Variants in DENND2B observed in about 807,000 individuals in gnomAD.
DENND2B encodes DENN domain containing 2B.
In DENND2B, 32 loss-of-function variants were observed where a neutral mutation model predicts 116.0. The observed-to-expected ratio is 0.28, with a 90% CI of 0.21 to 0.37. DENND2B has a LOEUF of 0.37. Ranked by LOEUF, DENND2B falls within the 10% of genes least tolerant of loss-of-function variation. DENND2B has a pLI of 1.00. For synonymous variants in DENND2B, 588 were observed against 583.9 expected, an observed-to-expected ratio of 1.01 and a Z score of -0.10; for missense variants, 1,276 against 1,477.7, an observed-to-expected ratio of 0.86 and a Z score of 2.24.
intron 4 of DENND2B, chr11:8,718,251 C>A: frequency 9.3e-7 from 1 of 1,076,058 alleles, no homozygotes. Flanking sequence ...GGCTCCCTTC[C>A]CTCTGCTGCA....
chr11:8,731,017 G>A lies in DENND2B; in HGVS notation c.273C>T (p.Thr91=), dbSNP rs764940725. Reference sequence around the variant, plus strand: ...CGAAGCTGGCGGTCTTGAAGGGACAGGTGGGTGGGGAAGTATCTGGGGAGG... The same window carrying A: ...CGAAGCTGGCGGTCTTGAAGGGACAAGTGGGTGGGGAAGTATCTGGGGAGG... The part of the protein sequence containing the change: ...QDPSPDTSPP[T]CPFKTASFGY... The change falls in exon 3 of 20, where the codon ACC becomes ACT. Residue 91 remains threonine (T), a synonymous_variant. Transcript: ENST00000313726. 4 of 1,614,186 alleles carry A rather than the reference G, an allele frequency of 2.5e-6. No homozygotes were observed. The East Asian group carries it at 8.9e-5, about 36-fold the overall frequency.
At chr11:8,807,398 C>T (rs1482967971) in intron 1 of DENND2B, among the ~76,000 whole-genome samples, 6 of 152,138 alleles carry the variant, frequency 3.9e-5, no homozygotes, top group Admixed American at 3.3e-4. Context: ...TGGGGCACAG[C>T]CTCTCTTAGG....
At chr11:8,854,982 T>A (rs1349064230) in intron 3 of DENND2B, among the ~76,000 whole-genome samples, 1 of 151,914 alleles carries the variant, frequency 6.6e-6, no homozygotes, top group Non-Finnish European at 1.5e-5. Context: ...TACAAAAAAA[T>A]TTTTTTGAAA....
chr11:8,834,974 G>A (rs1362008231), intron 4 of DENND2B, among the ~76,000 whole-genome samples: 7 of 152,150 alleles, frequency 4.6e-5, no homozygotes, highest in Non-Finnish European at 4.4e-5. Flanking sequence ...GGCCAGGCAC[G>A]GTGGCTCACA....
chr11:8,747,169 G>A (rs1444613418), intron 2 of DENND2B, among the ~76,000 whole-genome samples: 1 of 152,148 alleles, frequency 6.6e-6, no homozygotes, highest in Non-Finnish European at 1.5e-5. Flanking sequence ...GCCAGGCATT[G>A]TTCCAGGCTC....
intron 2 of DENND2B, among the ~76,000 whole-genome samples, chr11:8,864,815 C>A (rs1022029186): frequency 3.9e-5 from 6 of 152,126 alleles, no homozygotes; most frequent in African/African-American, 7.2e-5. Context: ...ATTAAAGGCA[C>A]TTTTTACCCC....
At chr11:8,853,148 G>A (rs112482182) in intron 3 of DENND2B, among the ~76,000 whole-genome samples, 4,523 of 152,226 alleles carry the variant, frequency 0.03, 219 homozygotes, top group African/African-American at 0.1. Context: ...TGGATCACCT[G>A]AGGTCAGAAG....
chr11:8,825,303 G>C (rs1282472514), intron 4 of DENND2B, among the ~76,000 whole-genome samples: 3 of 151,762 alleles, frequency 2.0e-5, no homozygotes, highest in Non-Finnish European at 2.9e-5. Flanking sequence ...TCATATGCTT[G>C]TTGGCCACAT....
In DENND2B at chr11:8,702,514, T is replaced by C; in HGVS notation, c.2720+58A>G. 2 of 1,601,266 alleles carry C rather than the reference T, an allele frequency of 1.2e-6. No homozygotes were observed. On this transcript the variant is annotated intron_variant, in intron 14 of 19. Transcript: ENST00000313726. The surrounding 1 kb of genome is among the most constrained non-coding windows in gnomAD (Gnocchi z 4.6). ...CTTAGGCTCCTGAACACTTGCTGAT[T>C]CGCTTGTGGGTGTGCCTTCCCCCCT...
At chr11:8,811,734 C>A (rs1037931531), upstream of DENND2B, among the ~76,000 whole-genome samples, 43 of 151,968 alleles carry the variant, frequency 2.8e-4, no homozygotes, top group Admixed American at 2.6e-3. Flanking sequence ...ATTTATTATT[C>A]TTCTTAAATT....
intron 2 of DENND2B, 43 bp downstream of exon 2, chr11:8,750,578 T>C: frequency 6.4e-7 from 1 of 1,553,320 alleles, no homozygotes; most frequent in African/African-American, 1.4e-5. Flanking sequence ...ACCCAGGACC[T>C]AGGTCCCTTG....
Position 8,695,472 on chromosome 11 carries a change from G to A in DENND2B, c.3370C>T (p.Arg1124Ter). The stretch of plus-strand genomic sequence containing the variant: ...TAACAAGGCCACTTACCCAAACCTC[G>A]GAGAAACTTATTCATTCCACTCTGC... ...TEQSGMNKFL[R>*]GLGNKMKFLH... The change falls in exon 19 of 20, where the codon CGA becomes TGA. Residue 1124 changes from arginine (R) to a stop codon, truncating the protein, a stop_gained. Transcript: ENST00000313726. LOFTEE classifies it high-confidence loss of function. The A allele has an allele frequency of 6.2e-7, 1 of 1,613,702 alleles. No individual in the cohort carries two copies. The highest frequency in any genetic ancestry group is 8.5e-7 in the Non-Finnish European group (1 of 1,179,982).
intron 1 of DENND2B, among the ~76,000 whole-genome samples, chr11:8,798,377 A>C (rs1256018862): frequency 6.6e-6 from 1 of 152,232 alleles, no homozygotes; most frequent in African/African-American, 2.4e-5. Flanking sequence ...TAGAAGATGG[A>C]ATCCCAGGGA....
At chr11:8,774,865 T>G (rs1220900657) in intron 1 of DENND2B, among the ~76,000 whole-genome samples, 1 of 147,716 alleles carries the variant, frequency 6.8e-6, no homozygotes, top group East Asian at 2.0e-4. Context: ...TTTTTTTCGT[T>G]TTTTTTTTTT....
chr11:8,884,853 T>G (rs1340011311), intron 1 of DENND2B, among the ~76,000 whole-genome samples: 3 of 152,190 alleles, frequency 2.0e-5, no homozygotes, highest in Non-Finnish European at 4.4e-5. Flanking sequence ...CCATAAGTCT[T>G]CAATATCAGT....
upstream of DENND2B, chr11:8,810,692 C>CGGCCA: frequency 6.6e-6 from 1 of 152,410 alleles, no homozygotes; most frequent in African/African-American, 2.4e-5. Context: ...CACTGCTAGC[C>CGGCCA]GGCCAGGCCG....
intron 4 of DENND2B, among the ~76,000 whole-genome samples, chr11:8,819,581 C>T (rs983051329): frequency 2.6e-5 from 4 of 152,210 alleles, no homozygotes; most frequent in African/African-American, 4.8e-5. Context: ...CCACGTACCC[C>T]GATACCATGT....
At chr11:8,701,566 G>A (rs971765695) in intron 14 of DENND2B, among the ~76,000 whole-genome samples, 3 of 151,034 alleles carry the variant, frequency 2.0e-5, no homozygotes, top group Admixed American at 6.6e-5. Context: ...TAAACTCTCC[G>A]CTCCTTAAAA....
At chr11:8,849,877 G>A (rs1466829822) in intron 3 of DENND2B, among the ~76,000 whole-genome samples, 1 of 150,926 alleles carries the variant, frequency 6.6e-6, no homozygotes, top group Non-Finnish European at 1.5e-5. Flanking sequence ...GTTCATGCCT[G>A]TAATTCCAAC....
Sources: allele counts gnomAD v4.1 joint callset (sites outside exome capture counted in the v4.1 genomes callset), GRCh38; gene constraint gnomAD v4.1.1; non-coding constraint Gnocchi (gnomAD v3.1); transcripts MANE v1.5; gene names NCBI Gene and HGNC (gene_info 2026-07-23, HGNC 2026-07-21).